PALM2AKAP2: variants seen among roughly 807,000 people sequenced by gnomAD.
PALM2AKAP2 encodes the protein PALM2-AKAP2 fusion protein.
In PALM2AKAP2, 37 loss-of-function variants were observed where a neutral mutation model predicts 71.5. The observed-to-expected ratio is 0.52, with a 90% CI of 0.40 to 0.68. The LOEUF (loss-of-function observed/expected upper bound fraction) is 0.68, where lower values mean the gene tolerates loss of function less well. Ranked by LOEUF, PALM2AKAP2 falls within the 30% of genes least tolerant of loss-of-function variation. The pLI is 0.00. For missense variants in PALM2AKAP2, 1,224 were observed against 1,191.8 expected (o/e 1.03, Z -0.40); for synonymous variants, 468 against 478.8 (o/e 0.98, Z 0.29).
At chr9:110,092,649 G>A (rs1278205082) in intron 1 of PALM2AKAP2, among the ~76,000 whole-genome samples, 1 of 152,024 alleles carries the variant, frequency 6.6e-6, no homozygotes, top group Non-Finnish European at 1.5e-5. Flanking sequence ...CTTAATAAGT[G>A]GAATTTATTG....
At chr9:109,990,268 A>C (rs941272740) in intron 6 of PALM2AKAP2, among the ~76,000 whole-genome samples, 5 of 151,998 alleles carry the variant, frequency 3.3e-5, no homozygotes, top group African/African-American at 1.2e-4. Context: ...CCATGTTGGC[A>C]AGGCTGGTCT....
intron 1 of PALM2AKAP2, among the ~76,000 whole-genome samples, chr9:110,053,526 T>TAAA (rs1833756060): frequency 7.0e-5 from 1 of 14,338 alleles, no homozygotes. Flanking sequence ...GAACTCTGTC[T>TAAA]CAAAAAAAAA....
At chr9:109,641,748 T>G (rs530224218) in intron 1 of PALM2AKAP2, among the ~76,000 whole-genome samples, 6 of 152,272 alleles carry the variant, frequency 3.9e-5, no homozygotes, top group Admixed American at 3.9e-4. Context: ...CCCACACTAC[T>G]CCTTGACATT....
At chr9:110,072,260 C>T (rs1588091164) in intron 1 of PALM2AKAP2, among the ~76,000 whole-genome samples, 1 of 152,312 alleles carries the variant, frequency 6.6e-6, no homozygotes, top group East Asian at 1.9e-4. Flanking sequence ...CCACAGGACT[C>T]GGCCATAACC....
intron 1 of PALM2AKAP2, among the ~76,000 whole-genome samples, chr9:110,057,908 A>G (rs991277476): frequency 1.3e-5 from 2 of 152,174 alleles, no homozygotes; most frequent in South Asian, 4.1e-4. Flanking sequence ...AATTACAACT[A>G]TGCATCCTGG....
intron 1 of PALM2AKAP2, among the ~76,000 whole-genome samples, chr9:109,793,102 A>C (rs989317017): frequency 6.6e-6 from 1 of 152,256 alleles, no homozygotes; most frequent in Non-Finnish European, 1.5e-5. Flanking sequence ...TAGCATGTTT[A>C]TAGGGAGATA....
At chr9:109,832,676 C>G (rs1828336240) in intron 1 of PALM2AKAP2, among the ~76,000 whole-genome samples, 1 of 152,208 alleles carries the variant, frequency 6.6e-6, no homozygotes. Context: ...ATGCAAATTT[C>G]TGATCCAGAA....
intron 2 of PALM2AKAP2, among the ~76,000 whole-genome samples, chr9:110,140,264 C>G (rs1174005536): frequency 6.6e-6 from 1 of 152,176 alleles, no homozygotes; most frequent in African/African-American, 2.4e-5. Context: ...CTCACGGGAG[C>G]CCTTTCTGGC....
intron 6 of PALM2AKAP2, among the ~76,000 whole-genome samples, chr9:109,981,843 T>C (rs1360729125): frequency 6.6e-6 from 1 of 152,190 alleles, no homozygotes; most frequent in Non-Finnish European, 1.5e-5. Context: ...GGGAACACTC[T>C]TGGTGGGAGT....
chr9:109,822,851 T>C (rs758013646), intron 1 of PALM2AKAP2, among the ~76,000 whole-genome samples: 19 of 152,226 alleles, frequency 1.2e-4, no homozygotes, highest in Admixed American at 2.0e-4. Flanking sequence ...GTCTTTATGG[T>C]AGAATGATGT....
intron 6 of PALM2AKAP2, among the ~76,000 whole-genome samples, chr9:109,936,730 A>G (rs1777453908): frequency 6.6e-6 from 1 of 152,244 alleles, no homozygotes; most frequent in South Asian, 2.1e-4. Context: ...AATCTGGATA[A>G]CTTTCATTGT....
exon 2 of PALM2AKAP2, chr9:110,138,296 G>A (rs1835944209): frequency 6.2e-7 from 1 of 1,614,208 alleles, no homozygotes; most frequent in African/African-American, 1.3e-5. Context: ...GTACTCGGAG[G>A]CAGCTGAGCT....
intron 1 of PALM2AKAP2, 89 bp from the exon 2 acceptor site, chr9:109,867,402 G>C (rs558332109): frequency 1.4e-6 from 2 of 1,454,206 alleles, no homozygotes; most frequent in East Asian, 4.7e-5. Context: ...CTATACAGAT[G>C]TGTGCTGCTG....
intron 1 of PALM2AKAP2, among the ~76,000 whole-genome samples, chr9:109,735,876 T>C (rs1003453798): frequency 1.3e-5 from 2 of 152,224 alleles, no homozygotes; most frequent in Admixed American, 1.3e-4. Flanking sequence ...GTTTGCCTTC[T>C]GTTTGTGTGC....
chr9:109,960,680 G>A (rs994318203), intron 6 of PALM2AKAP2, among the ~76,000 whole-genome samples: 1 of 152,276 alleles, frequency 6.6e-6, no homozygotes, highest in African/African-American at 2.4e-5. Flanking sequence ...GATGGGAGAG[G>A]AGGGGACAGG....
intron 1 of PALM2AKAP2, among the ~76,000 whole-genome samples, chr9:110,049,208 A>G (rs1468679726): frequency 6.6e-6 from 1 of 152,162 alleles, no homozygotes; most frequent in Non-Finnish European, 1.5e-5. Flanking sequence ...CAGGAAAAGC[A>G]GTGAAATCAA....
At chr9:110,137,758 T>C (rs1424857180) in exon 2 of PALM2AKAP2, 2 of 1,614,136 alleles carry the variant, frequency 1.2e-6, no homozygotes, top group South Asian at 1.1e-5. Context: ...GGGCATCCAA[T>C]GAGACAACCA....
At chr9:109,675,846 C>A (rs1402546330) in intron 1 of PALM2AKAP2, among the ~76,000 whole-genome samples, 1 of 152,172 alleles carries the variant, frequency 6.6e-6, no homozygotes, top group Non-Finnish European at 1.5e-5. Context: ...TCAACACTTA[C>A]CTATGCCTTG....
At chr9:110,137,972 C>G in exon 2 of PALM2AKAP2, 1 of 1,613,830 alleles carries the variant, frequency 6.2e-7, no homozygotes, top group Non-Finnish European at 8.5e-7. Context: ...GAATGCCATT[C>G]AACAAGCCAT....
Sources: allele counts gnomAD v4.1 joint callset (sites outside exome capture counted in the v4.1 genomes callset), GRCh38; gene constraint gnomAD v4.1.1; transcripts MANE v1.5; gene names NCBI Gene and HGNC (gene_info 2026-07-23, HGNC 2026-07-21).